Variants in ZBTB12 observed in about 807,000 individuals in gnomAD.
ZBTB12 encodes the protein zinc finger and BTB domain-containing protein 12.
In ZBTB12, 1 loss-of-function variant was observed where a neutral mutation model predicts 6.4. The ratio of observed to expected loss-of-function variants is 0.16; its 90% CI spans 0.06 to 0.74. The LOEUF (loss-of-function observed/expected upper bound fraction) is 0.74, where lower values mean the gene tolerates loss of function less well. Among genes scored for constraint, ZBTB12 ranks in the 30% least tolerant of loss-of-function variants. ZBTB12 has a pLI of 0.78. For synonymous variants in ZBTB12, 273 were observed against 262.5 expected (o/e 1.04, Z -0.39); for missense variants, 344 against 613.9 (o/e 0.56, Z 4.65).
At position 31,901,329 on chromosome 6, in the gene ZBTB12, G is replaced by A. The variant is rs755008659; in HGVS notation, c.-20-4C>T. 1.3e-6 allele frequency: 2 copies of A among 1,591,102 alleles called. No individual in the cohort carries two copies. Among genetic ancestry groups the A allele is most frequent in the South Asian group, 1.1e-5 (1 of 89,494 alleles). ...ATTGTGGCGGGGGTGGGCAACCCTG[G>A]TTGGGAAGGAAACCGGTCAGAGACA... On this transcript the variant is annotated splice_region_variant and splice_polypyrimidine_tract_variant and intron_variant, in intron 1 of 1. Coordinates refer to ENST00000375527, the MANE Select transcript of ZBTB12 (RefSeq NM_181842.3).
chr6:31,900,617 C>T lies in ZBTB12; in HGVS notation c.689G>A (p.Gly230Glu), dbSNP rs759883347. Residue 230 changes from glycine to glutamate, a missense_variant, in exon 2 of 2, where the codon GGA becomes GAA. This residue lies in a region of ZBTB12 where 241 missense variants were observed against 315.4 expected (regional missense o/e 0.76). Coordinates refer to ENST00000375527, the MANE Select transcript of ZBTB12 (RefSeq NM_181842.3). The surrounding 1 kb of genome is among the most constrained non-coding windows in gnomAD (Gnocchi z 9.7). ...GGAGCCTCCAATGCCCAGACCCCCT[C>T]CCAGGCCTCCAGGGGGTTTGAGCCG... is the stretch of plus-strand genomic sequence containing the variant. ...AHRLKPPGGL[G>E]GGLGIGGSVG... 8 of 1,612,586 alleles carry T rather than the reference C, an allele frequency of 5.0e-6. No homozygotes were observed. The Admixed American group carries it at 1.2e-4, about 24-fold the overall frequency.
intron 1 of ZBTB12, among the ~76,000 whole-genome samples, 177 bp from the exon 2 acceptor site, chr6:31,901,502 GT>G (rs1767265476): frequency 6.6e-6 from 1 of 151,992 alleles, no homozygotes; most frequent in South Asian, 2.1e-4. Flanking sequence ...GGAGGGAGGC[GT>G]GGTTCTCGGG....
At position 31,900,621 on chromosome 6, in the gene ZBTB12, G is replaced by C. The variant is rs1195395382; in HGVS notation, c.685C>G (p.Leu229Val). 6.2e-7 allele frequency: 1 copy of C among 1,612,576 alleles called. No individual in the cohort carries two copies. The highest frequency in any genetic ancestry group is 8.5e-7 in the Non-Finnish European group (1 of 1,180,030). Reference sequence around the variant, plus strand: ...CCTCCAATGCCCAGACCCCCTCCCAGGCCTCCAGGGGGTTTGAGCCGGTGT... The same window carrying C: ...CCTCCAATGCCCAGACCCCCTCCCACGCCTCCAGGGGGTTTGAGCCGGTGT... Reference protein sequence around the residue: ...VAHRLKPPGGLGGGLGIGGSV... With the variant: ...VAHRLKPPGGVGGGLGIGGSV... Residue 229 changes from leucine to valine, a missense_variant, in exon 2 of 2, where the codon CTG becomes GTG. Transcript: ENST00000375527. The surrounding 1 kb of genome is among the most constrained non-coding windows in gnomAD (Gnocchi z 9.7).
chr6:31,899,648 C>G lies in ZBTB12; in HGVS notation c.*278G>C. The G allele has an allele frequency of 4.6e-6, 2 of 436,950 alleles. No homozygotes were observed. The highest frequency in any genetic ancestry group is 3.8e-5 in the Admixed American group (1 of 26,114). 27.1% of individuals were successfully genotyped at this position (436,950 alleles called of 1,614,324 possible). A position where few individuals can be genotyped will look rare whatever the true frequency, so the allele number is the denominator to read the frequency against. ...TTCTATAGGACCCTTTTCCCTCCCT[C>G]CACATATACATGCACTTCTAAGAGA... On this transcript the variant is annotated 3_prime_UTR_variant, in exon 2 of 2. Transcript: ENST00000375527.
intron 1 of ZBTB12, 32 bp from the exon 2 acceptor site, chr6:31,901,357 G>GCTTT (rs1013681280): frequency 2.6e-6 from 4 of 1,540,268 alleles, no homozygotes; most frequent in Non-Finnish European, 3.5e-6. Flanking sequence ...CAGAGACAAA[G>GCTTT]GTCTCTGGCT....
chr6:31,900,780 G>C lies in ZBTB12; in HGVS notation c.526C>G (p.Leu176Val). The change falls in exon 2 of 2, where the codon CTC becomes GTC. Residue 176 changes from leucine to valine, a missense_variant. Coordinates refer to ENST00000375527, the MANE Select transcript of ZBTB12 (RefSeq NM_181842.3). This position sits in a 1 kb window ranked among gnomAD's most constrained non-coding sequence, Gnocchi z 9.7. Reference protein sequence around the residue: ...PPPPPPLPPPLLRPVKLEFPL... With the variant: ...PPPPPPLPPPVLRPVKLEFPL... ...AACTCCAGCTTCACTGGCCGCAGGA[G>C]TGGAGGGGGTAGAGGAGGTGGGGGT... 1 of 1,592,532 alleles carries C rather than the reference G, an allele frequency of 6.3e-7. No individual in the cohort carries two copies. Among genetic ancestry groups the C allele is most frequent in the South Asian group, 1.1e-5 (1 of 87,656 alleles).
Position 31,900,079 on chromosome 6 carries a change from G to A in ZBTB12, c.1227C>T (p.His409=), listed in dbSNP as rs1218295623. 7.4e-6 allele frequency: 12 copies of A among 1,613,572 alleles called. No individual in the cohort carries two copies. The highest frequency in any genetic ancestry group is 1.0e-5 in the Non-Finnish European group (12 of 1,179,704). The change falls in exon 2 of 2, where the codon CAC becomes CAT. Residue 409 remains histidine (H), a synonymous_variant. Coordinates refer to ENST00000375527, the MANE Select transcript of ZBTB12 (RefSeq NM_181842.3). The surrounding 1 kb of genome is among the most constrained non-coding windows in gnomAD (Gnocchi z 9.7). ...KSTLHDHLNL[H]SGARPYRCSY... ...AGCAGCGGTAGGGCCGCGCTCCCGA[G>A]TGCAGGTTGAGGTGGTCGTGAAGGG...
In ZBTB12 at chr6:31,899,907, GGCCTCCAC is replaced by G. The variant is rs773270947; in HGVS notation, c.*11_*18del. On this transcript the variant is annotated 3_prime_UTR_variant, in exon 2 of 2. Transcript: ENST00000375527. ...CGCAGCCCAGGGGCCCCAGCCTCCT[GGCCTCCAC>G]GCCTGCGCGGCTAGCGGATGAGGAC... is the stretch of plus-strand genomic sequence containing the variant. The G allele has an allele frequency of 4.6e-5, 72 of 1,551,324 alleles. No homozygotes were observed. Among genetic ancestry groups the G allele is most frequent in the African/African-American group, 6.8e-5 (5 of 73,502 alleles).
In ZBTB12 at chr6:31,900,319, G is replaced by C. The variant is rs1330532436; in HGVS notation, c.987C>G (p.Pro329=). Residue 329 remains proline, a synonymous_variant, in exon 2 of 2, where the codon CCC becomes CCG. Coordinates refer to ENST00000375527, the MANE Select transcript of ZBTB12 (RefSeq NM_181842.3). This position sits in a 1 kb window ranked among gnomAD's most constrained non-coding sequence, Gnocchi z 9.7. ...ACTTGGTGCACTTGATGTTCTTTAA[G>C]GGGTTTCCACCTGAGAAGCCCCCAG... The part of the protein sequence containing the change: ...PLPGGFSGGN[P]LKNIKCTKCP... 1.9e-6 allele frequency: 3 copies of C among 1,611,604 alleles called. No homozygotes were observed. The highest frequency in any genetic ancestry group is 1.3e-5 in the African/African-American group (1 of 74,982).
chr6:31,899,837 A>ACCC lies in ZBTB12; in HGVS notation c.*86_*88dup. On this transcript the variant is annotated 3_prime_UTR_variant, in exon 2 of 2. Transcript: ENST00000375527. ...TCCCACTCTTACCTTTCTGCCCCAG[A>ACCC]CCCCCCACCCCCCAATTCTCCTGGG... 1 of 1,126,024 alleles carries ACCC rather than the reference A, an allele frequency of 8.9e-7. No homozygotes were observed. The allele number at this position is 1,126,024 out of a possible 1,614,324, so 69.8% of individuals were successfully genotyped here.
rs78852381 is a variant in ZBTB12, at chr6:31,899,849, C to A, written c.*77G>T. On this transcript the variant is annotated 3_prime_UTR_variant, in exon 2 of 2. Transcript: ENST00000375527. ...CTTTCTGCCCCAGACCCCCCACCCC[C>A]CAATTCTCCTGGGCCAAAGAGCCCT... 5 of 1,453,386 alleles carry A rather than the reference C, an allele frequency of 3.4e-6. No homozygotes were observed. The African/African-American group carries it at 5.7e-5, about 16-fold the overall frequency. 90.0% of individuals were successfully genotyped at this position (1,453,386 alleles called of 1,614,324 possible). A position where few individuals can be genotyped will look rare whatever the true frequency, so the allele number is the denominator to read the frequency against.
chr6:31,900,908 A>G lies in ZBTB12; in HGVS notation c.398T>C (p.Leu133Pro). 1 of 1,614,094 alleles carries G rather than the reference A, an allele frequency of 6.2e-7. No homozygotes were observed. Among genetic ancestry groups the G allele is most frequent in the African/African-American group, 1.3e-5 (1 of 75,032 alleles). ...LSQFIEPKIG[L>P]KEDGVSEASL... ...AGCCTCACTGACCCCATCCTCTTTG[A>G]GGCCTATTTTGGGCTCAATGAACTG... Residue 133 changes from leucine to proline, a missense_variant, in exon 2 of 2, where the codon CTC (leucine) becomes CCC (proline). By Grantham distance (98) the Leu-to-Pro change is moderately conservative (BLOSUM62 -3). This residue lies in a region of ZBTB12 where 241 missense variants were observed against 315.4 expected (regional missense o/e 0.76). Transcript: ENST00000375527. The surrounding 1 kb of genome is among the most constrained non-coding windows in gnomAD (Gnocchi z 9.7).
rs968486233 is a variant in ZBTB12, at chr6:31,899,731, C to T, written c.*195G>A. On this transcript the variant is annotated 3_prime_UTR_variant, in exon 2 of 2. Transcript: ENST00000375527. ...TGGCCTCCAAGAACCCTTTTCCCAG[C>T]TCCAGATTCTTGCACTCTCAAGAGC... 3 of 610,852 alleles carry T rather than the reference C, an allele frequency of 4.9e-6. No homozygotes were observed. The highest frequency in any genetic ancestry group is 5.0e-5 in the South Asian group (2 of 39,822). The allele number at this position is 610,852 out of a possible 1,614,324, so 37.8% of individuals were successfully genotyped here. A position where few individuals can be genotyped will look rare whatever the true frequency, so the allele number is the denominator to read the frequency against.
chr6:31,900,621 G>A lies in ZBTB12; in HGVS notation c.685C>T (p.Leu229=). The change falls in exon 2 of 2, where the codon CTG becomes TTG. Residue 229 remains leucine (L), a synonymous_variant. Coordinates refer to ENST00000375527, the MANE Select transcript of ZBTB12 (RefSeq NM_181842.3). This position sits in a 1 kb window ranked among gnomAD's most constrained non-coding sequence, Gnocchi z 9.7. ...CCTCCAATGCCCAGACCCCCTCCCA[G>A]GCCTCCAGGGGGTTTGAGCCGGTGT... ...VAHRLKPPGG[L]GGGLGIGGSV... The A allele has an allele frequency of 1.9e-6, 3 of 1,612,694 alleles. No homozygotes were observed. The highest frequency in any genetic ancestry group is 2.5e-6 in the Non-Finnish European group (3 of 1,180,022).
rs1378686205 is a variant in ZBTB12, at chr6:31,901,102, C to T, written c.204G>A (p.Ser68=). ...TGTGCATCAGGGAGACCTGCAGCTC[C>T]GAGCTGGGGTTCAGCAGGAACTGGT... ...LRDQFLLNPS[S]ELQVSLMHSA... Residue 68 remains serine, a synonymous_variant, in exon 2 of 2, where the codon TCG becomes TCA. Coordinates refer to ENST00000375527, the MANE Select transcript of ZBTB12 (RefSeq NM_181842.3). The T allele has an allele frequency of 6.2e-6, 10 of 1,613,974 alleles. No individual in the cohort carries two copies. The highest frequency in any genetic ancestry group is 1.3e-5 in the African/African-American group (1 of 74,928).
intron 1 of ZBTB12, 31 bp from the exon 2 acceptor site, chr6:31,901,356 A>C: frequency 6.4e-7 from 1 of 1,552,838 alleles, no homozygotes; most frequent in Non-Finnish European, 8.7e-7. Flanking sequence ...TCAGAGACAA[A>C]GGTCTCTGGC....
chr6:31,900,238 G>A lies in ZBTB12; in HGVS notation c.1068C>T (p.His356=), dbSNP rs1287044166. 19 of 1,613,934 alleles carry A rather than the reference G, an allele frequency of 1.2e-5. No homozygotes were observed. Among genetic ancestry groups the A allele is most frequent in the Non-Finnish European group, 1.5e-5 (18 of 1,180,052 alleles). The change falls in exon 2 of 2, where the codon CAC becomes CAT. Residue 356 remains histidine, a synonymous_variant. Coordinates refer to ENST00000375527, the MANE Select transcript of ZBTB12 (RefSeq NM_181842.3). This position sits in a 1 kb window ranked among gnomAD's most constrained non-coding sequence, Gnocchi z 9.7. ...EKLVFHMRAQ[H]FIFMCPRCGK... is the part of the protein sequence containing the mutation. Reference sequence around the variant, plus strand: ...CACAGCGAGGGCACATGAAGATGAAGTGCTGCGCCCGCATGTGGAAGACCA... The same window carrying A: ...CACAGCGAGGGCACATGAAGATGAAATGCTGCGCCCGCATGTGGAAGACCA...
rs1767102705 is a variant in ZBTB12, at chr6:31,900,307, G to C, written c.999C>G (p.Ile333Met). The C allele has an allele frequency of 1.2e-6, 2 of 1,612,234 alleles. No homozygotes were observed. The highest frequency in any genetic ancestry group is 1.3e-5 in the African/African-American group (1 of 74,872). The change falls in exon 2 of 2, where the codon ATC becomes ATG. Residue 333 changes from isoleucine to methionine, a missense_variant. By Grantham distance (10) the Ile-to-Met change is conservative (BLOSUM62 1). Transcript: ENST00000375527. The surrounding 1 kb of genome is among the most constrained non-coding windows in gnomAD (Gnocchi z 9.7). Reference sequence around the variant, plus strand: ...ACACTTCCGGGCACTTGGTGCACTTGATGTTCTTTAAGGGGTTTCCACCTG... The same window carrying C: ...ACACTTCCGGGCACTTGGTGCACTTCATGTTCTTTAAGGGGTTTCCACCTG... ...GFSGGNPLKN[I>M]KCTKCPEVFQ...
chr6:31,901,987 T>G lies in ZBTB12; in HGVS notation c.-171A>C, dbSNP rs1581999166. ...GCGCGCGCGCGGGGCCGGCTCCGCG[T>G]GGGCGTAAGGGGGGAGGGGCGGGGG... On this transcript the variant is annotated 5_prime_UTR_variant, in exon 1 of 2. Coordinates refer to ENST00000375527, the MANE Select transcript of ZBTB12 (RefSeq NM_181842.3). The G allele has an allele frequency of 1.4e-5, 2 of 137,944 alleles. No homozygotes were observed. Among genetic ancestry groups the G allele is most frequent in the South Asian group, 2.6e-4 (1 of 3,820 alleles). The allele number at this position is 137,944 out of a possible 1,614,324, so 8.5% of individuals were successfully genotyped here.
Sources: allele counts gnomAD v4.1 joint callset (sites outside exome capture counted in the v4.1 genomes callset), GRCh38; gene constraint gnomAD v4.1.1; regional missense constraint gnomAD v4.1.1; non-coding constraint Gnocchi (gnomAD v3.1); transcripts MANE v1.5; gene names NCBI Gene and HGNC (gene_info 2026-07-23, HGNC 2026-07-21).